The following NFIB variants were observed in gnomAD, a reference collection of about 807,000 sequenced individuals.
NFIB encodes nuclear factor 1 B-type.
NFIB carries 11 observed loss-of-function variants against 61.5 expected under a neutral mutation model. That is an observed-to-expected ratio of 0.18 (90% CI 0.11 to 0.30). The LOEUF (loss-of-function observed/expected upper bound fraction) is 0.30. NFIB is among the 10% of genes least tolerant of loss of function. NFIB has a pLI of 1.00. For synonymous variants in NFIB, 260 were observed against 216.5 expected, an observed-to-expected ratio of 1.20 and a Z score of -1.76; for missense variants, 471 against 608.9, an observed-to-expected ratio of 0.77 and a Z score of 2.38.
At chr9:14,279,552 G>C (rs549119561) in intron 2 of NFIB, among the ~76,000 whole-genome samples, 1 of 152,162 alleles carries the variant, frequency 6.6e-6, no homozygotes, top group African/African-American at 2.4e-5. Flanking sequence ...AACAGAGATC[G>C]ATATAATTTA....
chr9:14,263,809 C>T (rs879245532), intron 2 of NFIB, among the ~76,000 whole-genome samples: 3 of 152,174 alleles, frequency 2.0e-5, no homozygotes, highest in Non-Finnish European at 2.9e-5. Flanking sequence ...AAGTATATGG[C>T]GTAATCCGTG....
At chr9:14,473,778 G>T in the NFIB span, among the ~76,000 whole-genome samples, 58 of 152,234 alleles carry the variant, frequency 3.8e-4, no homozygotes, top group Non-Finnish European at 7.4e-4. Flanking sequence ...ATTTATTTAG[G>T]CCCGCATGAT....
intron 1 of NFIB, among the ~76,000 whole-genome samples, chr9:14,341,867 A>G (rs2060955156): frequency 1.3e-5 from 2 of 151,740 alleles, no homozygotes; most frequent in South Asian, 4.2e-4. Context: ...GAGTGCTTCC[A>G]GATGCACTGA....
the NFIB span, among the ~76,000 whole-genome samples, chr9:14,504,592 T>C: frequency 1.3e-5 from 2 of 152,190 alleles, no homozygotes; most frequent in Non-Finnish European, 2.9e-5. Context: ...TTTTTGCAGC[T>C]ATTATTAAAG....
chr9:14,483,651 G>A, the NFIB span, among the ~76,000 whole-genome samples: 1 of 152,262 alleles, frequency 6.6e-6, no homozygotes, highest in Non-Finnish European at 1.5e-5. Flanking sequence ...TCTTAGCGCA[G>A]TACCCGGCAC....
At chr9:14,495,464 T>G in the NFIB span, among the ~76,000 whole-genome samples, 4 of 149,846 alleles carry the variant, frequency 2.7e-5, no homozygotes, top group African/African-American at 9.9e-5. Flanking sequence ...TTTTTTTTTT[T>G]GTCTGAGAGA....
At chr9:14,126,772 G>A (rs1173309201) in intron 6 of NFIB, among the ~76,000 whole-genome samples, 1 of 152,200 alleles carries the variant, frequency 6.6e-6, no homozygotes, top group East Asian at 1.9e-4. Context: ...AATTCCCCCA[G>A]AAACTAAATG....
chr9:14,224,152 C>T (rs530695247), intron 2 of NFIB, among the ~76,000 whole-genome samples: 13 of 152,332 alleles, frequency 8.5e-5, no homozygotes, highest in African/African-American at 3.1e-4. Flanking sequence ...ATATTTCTGG[C>T]TGACCCAGAA....
chr9:14,490,705 T>C, the NFIB span, among the ~76,000 whole-genome samples: 1 of 152,166 alleles, frequency 6.6e-6, no homozygotes, highest in Non-Finnish European at 1.5e-5. Context: ...GGAATCTCAA[T>C]TTCATCAGCA....
At chr9:14,294,898 A>AG (rs1470609109) in intron 2 of NFIB, among the ~76,000 whole-genome samples, 2 of 152,154 alleles carry the variant, frequency 1.3e-5, no homozygotes, top group Non-Finnish European at 2.9e-5. Flanking sequence ...GTGCAAAGTG[A>AG]GGGGTGCAGT....
At chr9:14,361,428 C>G (rs1361966516) in intron 1 of NFIB, 1 of 152,196 alleles carries the variant, frequency 6.6e-6, no homozygotes, top group Non-Finnish European at 1.5e-5. Context: ...TTCTTCAGCA[C>G]TTCTGTATTT....
chr9:14,238,911 T>G (rs1192558589), intron 2 of NFIB, among the ~76,000 whole-genome samples: 1 of 152,210 alleles, frequency 6.6e-6, no homozygotes, highest in Admixed American at 6.5e-5. Context: ...TTTTCTTCCC[T>G]TCTCTGTTTT....
intron 2 of NFIB, among the ~76,000 whole-genome samples, chr9:14,258,654 G>A (rs961435034): frequency 6.6e-6 from 1 of 152,166 alleles, no homozygotes; most frequent in African/African-American, 2.4e-5. Flanking sequence ...CAACTACTCT[G>A]AGAAATAATC....
chr9:14,417,782 T>G, the NFIB span, among the ~76,000 whole-genome samples: 4 of 142,140 alleles, frequency 2.8e-5, no homozygotes, highest in Non-Finnish European at 6.1e-5. Flanking sequence ...CAGTTTTTTT[T>G]TTTTTTTTTT....
chr9:14,274,867 T>TTC, intron 2 of NFIB, among the ~76,000 whole-genome samples: 1 of 152,210 alleles, frequency 6.6e-6, no homozygotes, highest in Middle Eastern at 3.4e-3. Context: ...GGTGGTGGAG[T>TTC]TCTGTTTGCC....
chr9:14,133,592 C>T (rs1032346562), intron 6 of NFIB, among the ~76,000 whole-genome samples: 1 of 152,032 alleles, frequency 6.6e-6, no homozygotes, highest in Non-Finnish European at 1.5e-5. Context: ...TCCCAGAGGA[C>T]AAGGAGAAGG....
At chr9:14,287,145 T>C (rs2058758330) in intron 2 of NFIB, among the ~76,000 whole-genome samples, 1 of 151,496 alleles carries the variant, frequency 6.6e-6, no homozygotes, top group Non-Finnish European at 1.5e-5. Context: ...AAAAGAGCTA[T>C]TATAGGCCGG....
intron 10 of NFIB, among the ~76,000 whole-genome samples, chr9:14,103,456 C>G (rs944138224): frequency 3.3e-5 from 5 of 152,006 alleles, no homozygotes; most frequent in Non-Finnish European, 7.4e-5. Context: ...TCCACTAAAC[C>G]TTGTTTGCTG....
chr9:14,481,996 T>A, the NFIB span, among the ~76,000 whole-genome samples: 1 of 152,048 alleles, frequency 6.6e-6, no homozygotes, highest in Non-Finnish European at 1.5e-5. Flanking sequence ...TGAAAGTTAT[T>A]TACCTTCAGT....
Sources: allele counts gnomAD v4.1 joint callset (sites outside exome capture counted in the v4.1 genomes callset), GRCh38; gene constraint gnomAD v4.1.1; transcripts MANE v1.5; gene names NCBI Gene and HGNC (gene_info 2026-07-23, HGNC 2026-07-21).